The following MAST4 variants were observed in gnomAD, a reference collection of about 807,000 sequenced individuals.
The protein encoded by MAST4 is microtubule-associated serine/threonine-protein kinase 4.
Under a neutral mutation model 162.7 loss-of-function variants are expected in MAST4, and 89 were observed. That is an observed-to-expected ratio of 0.55 (90% CI 0.46 to 0.65). MAST4 has a LOEUF of 0.65. MAST4 is among the 30% of genes least tolerant of loss of function. The pLI, the probability that MAST4 is intolerant of heterozygous loss-of-function variation, is 0.00. For synonymous variants in MAST4, 1,479 were observed against 1,361.1 expected (o/e 1.09, Z -1.91); for missense variants, 3,153 against 3,374.0 (o/e 0.93, Z 1.62).
chr5:66,651,916 G>A (rs1746247067), intron 1 of MAST4, among the ~76,000 whole-genome samples: 1 of 152,206 alleles, frequency 6.6e-6, no homozygotes, highest in African/African-American at 2.4e-5. Flanking sequence ...TCTACATGGA[G>A]TGAGCAAAAC....
intron 4 of MAST4, among the ~76,000 whole-genome samples, chr5:66,984,037 T>C (rs1561503857): frequency 6.6e-6 from 1 of 152,170 alleles, no homozygotes; most frequent in Non-Finnish European, 1.5e-5. Flanking sequence ...TTCTAGGCTT[T>C]AGGGATACGG....
chr5:66,826,871 G>T (rs1206073815), intron 3 of MAST4, among the ~76,000 whole-genome samples: 2 of 152,192 alleles, frequency 1.3e-5, no homozygotes, highest in African/African-American at 4.8e-5. Context: ...CTGCTGCCAA[G>T]GCTTTGTCTA....
chr5:66,602,580 A>G (rs1278482011), intron 1 of MAST4, among the ~76,000 whole-genome samples: 1 of 152,084 alleles, frequency 6.6e-6, no homozygotes, highest in Non-Finnish European at 1.5e-5. Flanking sequence ...TAAACTGGAA[A>G]AAGAATCCTC....
intron 4 of MAST4, among the ~76,000 whole-genome samples, chr5:66,929,939 C>T (rs956259706): frequency 6.6e-6 from 1 of 152,176 alleles, no homozygotes; most frequent in African/African-American, 2.4e-5. Flanking sequence ...AACTATTTTG[C>T]TTAATCACTT....
In MAST4 at chr5:67,168,833, A is replaced by T. The variant is rs1774324381; in HGVS notation, c.*1782A>T. 6.6e-6 allele frequency: 1 copy of T among 152,334 alleles called. No homozygotes were observed. The highest frequency in any genetic ancestry group is 2.4e-5 in the African/African-American group (1 of 41,578). 9.4% of individuals were successfully genotyped at this position (152,334 alleles called of 1,614,324 possible). A position where few individuals can be genotyped will look rare whatever the true frequency, so the allele number is the denominator to read the frequency against. ...TAAACTCCACTCTGAAAACAAAGGC[A>T]TAACTTAACCGACTGCTCAGTTGTC... On this transcript the variant is annotated 3_prime_UTR_variant, in exon 29 of 29. Coordinates refer to ENST00000403625, the MANE Select transcript of MAST4 (RefSeq NM_001164664.2).
At chr5:66,986,492 C>A in intron 4 of MAST4, 2 of 1,567,384 alleles carry the variant, frequency 1.3e-6, no homozygotes, top group African/African-American at 1.3e-5. Flanking sequence ...GATGAATTGC[C>A]ACCACATTAA....
intron 4 of MAST4, among the ~76,000 whole-genome samples, chr5:66,912,560 A>C (rs1394638932): frequency 6.6e-6 from 1 of 152,218 alleles, no homozygotes; most frequent in Non-Finnish European, 1.5e-5. Context: ...TTCATGTCTT[A>C]GAGGAATAGT....
chr5:67,053,243 A>G (rs974520193), intron 4 of MAST4, among the ~76,000 whole-genome samples: 3 of 152,146 alleles, frequency 2.0e-5, no homozygotes, highest in Non-Finnish European at 4.4e-5. Flanking sequence ...AGAGAAGATA[A>G]CTCCCAAGTC....
chr5:66,843,656 A>G (rs559824385), intron 3 of MAST4, among the ~76,000 whole-genome samples: 1 of 152,260 alleles, frequency 6.6e-6, no homozygotes, highest in South Asian at 2.1e-4. Context: ...TAGAGTGTTG[A>G]TGATGGTTTG....
At chr5:66,859,421 G>A (rs1184552587) in intron 3 of MAST4, among the ~76,000 whole-genome samples, 2 of 152,044 alleles carry the variant, frequency 1.3e-5, no homozygotes, top group Non-Finnish European at 2.9e-5. Flanking sequence ...TTAAGACACA[G>A]GTCAGTGTCT....
intron 1 of MAST4, among the ~76,000 whole-genome samples, chr5:66,601,614 C>T (rs1253092517): frequency 1.3e-5 from 2 of 152,064 alleles, no homozygotes; most frequent in African/African-American, 4.8e-5. Flanking sequence ...CAGGTGTGAT[C>T]CAGGTAGCAG....
At chr5:66,870,709 C>T (rs796078709) in intron 3 of MAST4, 7 of 461,610 alleles carry the variant, frequency 1.5e-5, no homozygotes, top group African/African-American at 1.4e-4. Flanking sequence ...GACCATTTCT[C>T]CATCATCCCA....
At chr5:66,964,938 C>T (rs1391266651) in intron 4 of MAST4, among the ~76,000 whole-genome samples, 1 of 152,172 alleles carries the variant, frequency 6.6e-6, no homozygotes, top group African/African-American at 2.4e-5. Context: ...TGGCCACTTC[C>T]TTAAAAATAT....
At chr5:66,879,361 C>T (rs26917) in intron 3 of MAST4, among the ~76,000 whole-genome samples, 157 of 55,062 alleles carry the variant, frequency 2.9e-3, no homozygotes, top group Middle Eastern at 0.01. Flanking sequence ...CACACACACA[C>T]ATATATATAT....
At chr5:66,872,875 T>C (rs949100830) in intron 3 of MAST4, among the ~76,000 whole-genome samples, 2 of 152,212 alleles carry the variant, frequency 1.3e-5, no homozygotes, top group Non-Finnish European at 2.9e-5. Flanking sequence ...AGGACTCAGC[T>C]CAGCATGTGC....
chr5:67,028,848 G>A (rs530406035), intron 4 of MAST4, among the ~76,000 whole-genome samples: 17 of 152,182 alleles, frequency 1.1e-4, no homozygotes, highest in African/African-American at 3.4e-4. Context: ...GTCATCCACC[G>A]CCGGGCATGG....
At position 67,039,977 on chromosome 5, in the gene MAST4, ATATG is replaced by A. The variant is rs1436942046; in HGVS notation, c.675-14425_675-14422del. 2.0e-5 allele frequency among the ~76,000 whole-genome samples: 3 copies of A among 150,406 alleles called. No homozygotes were observed. The South Asian group carries it at 6.3e-4, about 31-fold the overall frequency. Reference sequence around the variant, plus strand: ...TTTGAGATTTTATATATATATATATATATGTGTGTGTATATATATATAATATAAA... The same window carrying A: ...TTTGAGATTTTATATATATATATATATGTGTGTATATATATATAATATAAA... On this transcript the variant is annotated intron_variant, in intron 4 of 28. Transcript: ENST00000403625.
intron 3 of MAST4, among the ~76,000 whole-genome samples, chr5:66,897,995 A>G (rs182543360): frequency 2.8e-4 from 43 of 152,314 alleles, no homozygotes; most frequent in African/African-American, 1.0e-3. Context: ...CTATTTGCAT[A>G]TATAGTTGAA....
chr5:67,110,021 T>C, intron 10 of MAST4, 77 bp from the exon 11 acceptor site: 3 of 1,009,956 alleles, frequency 3.0e-6, no homozygotes, highest in Non-Finnish European at 3.1e-6. Context: ...ATGATCTAAT[T>C]AGCATGCTTT....
Sources: allele counts gnomAD v4.1 joint callset (sites outside exome capture counted in the v4.1 genomes callset), GRCh38; gene constraint gnomAD v4.1.1; transcripts MANE v1.5; gene names NCBI Gene and HGNC (gene_info 2026-07-23, HGNC 2026-07-21).